Variants in NDST3 observed in about 807,000 individuals in gnomAD.
NDST3 encodes the protein N-deacetylase and N-sulfotransferase 3, also known as bifunctional heparan sulfate N-deacetylase/N-sulfotransferase 3.
Under a neutral mutation model 96.1 loss-of-function variants are expected in NDST3, and 58 were observed. The ratio of observed to expected loss-of-function variants is 0.60; its 90% CI spans 0.49 to 0.75. NDST3 has a LOEUF of 0.75. Ranked by LOEUF, NDST3 falls within the 30% of genes least tolerant of loss-of-function variation. NDST3 has a pLI of 0.00. For synonymous variants in NDST3, 333 were observed against 359.7 expected, an observed-to-expected ratio of 0.93 and a Z score of 0.84; for missense variants, 788 against 1,034.2, an observed-to-expected ratio of 0.76 and a Z score of 3.27.
intron 6 of NDST3, among the ~76,000 whole-genome samples, chr4:118,180,506 C>G (rs1408865953): frequency 1.3e-5 from 2 of 152,098 alleles, no homozygotes; most frequent in Non-Finnish European, 2.9e-5. Flanking sequence ...GTACACAGAT[C>G]AACTTAGGAG....
intron 3 of NDST3, among the ~76,000 whole-genome samples, chr4:118,110,668 G>A (rs1378266848): frequency 6.6e-6 from 1 of 152,020 alleles, no homozygotes; most frequent in African/African-American, 2.4e-5. Context: ...ATAAATTATA[G>A]TTTGCAATAA....
At chr4:118,229,489 A>T (rs1740130867) in intron 8 of NDST3, among the ~76,000 whole-genome samples, 1 of 152,168 alleles carries the variant, frequency 6.6e-6, no homozygotes, top group Admixed American at 6.5e-5. Context: ...GTTTATTCAG[A>T]CCCAAGAATA....
At chr4:118,254,078 T>TA (rs1741949368) in intron 13 of NDST3, among the ~76,000 whole-genome samples, 1 of 151,820 alleles carries the variant, frequency 6.6e-6, no homozygotes, top group Non-Finnish European at 1.5e-5. Context: ...CCATCTCTAC[T>TA]AAAAATACAA....
intron 6 of NDST3, among the ~76,000 whole-genome samples, chr4:118,187,281 C>G (rs1305031592): frequency 6.6e-6 from 1 of 152,192 alleles, no homozygotes; most frequent in Non-Finnish European, 1.5e-5. Flanking sequence ...AATTTTAAGT[C>G]TGTTGTGTAG....
At chr4:118,143,324 A>G (rs1733700847) in intron 5 of NDST3, among the ~76,000 whole-genome samples, 2 of 152,156 alleles carry the variant, frequency 1.3e-5, no homozygotes, top group South Asian at 4.1e-4. Flanking sequence ...ACAAGTAGCT[A>G]AAATAACACA....
At chr4:118,035,069 C>G (rs1482926113) in intron 1 of NDST3, among the ~76,000 whole-genome samples, 1 of 152,086 alleles carries the variant, frequency 6.6e-6, no homozygotes, top group African/African-American at 2.4e-5. Flanking sequence ...AAGAATCAAT[C>G]TAGGTATCAA....
chr4:118,091,762 G>C (rs76563825), intron 2 of NDST3, among the ~76,000 whole-genome samples: 4,753 of 151,808 alleles, frequency 0.031, 118 homozygotes, highest in Non-Finnish European at 0.05. Context: ...TACTGAACTA[G>C]AGCCCATATA....
rs187889971 is a variant in NDST3 at position 118,209,761 on chromosome 4, T to C, written c.1540-14730T>C. ...AGCAATTGATTTACCCTTCCAACTTTCCTTTAAAGCCTATCAGATCCCAAA... is the reference window on the plus strand; with the variant it reads ...AGCAATTGATTTACCCTTCCAACTTCCCTTTAAAGCCTATCAGATCCCAAA... On this transcript the variant is annotated intron_variant, in intron 6 of 13. Transcript: ENST00000296499. Among the ~76,000 whole-genome samples the C allele has an allele frequency of 3.3e-5, 5 of 152,298 alleles. No homozygotes were observed. In the East Asian group the frequency reaches 7.7e-4, roughly 23 times the overall value.
At chr4:118,105,713 T>C (rs531898082) in intron 3 of NDST3, among the ~76,000 whole-genome samples, 2 of 152,340 alleles carry the variant, frequency 1.3e-5, no homozygotes, top group South Asian at 4.1e-4. Context: ...AAGCTGTAGA[T>C]GGTTGGGTGT....
At chr4:118,138,261 T>C (rs760777363) in intron 5 of NDST3, 22 bp downstream of exon 5, 4 of 1,598,676 alleles carry the variant, frequency 2.5e-6, no homozygotes, top group South Asian at 1.1e-5. Context: ...CCAGTATGCA[T>C]AGGGTACAAC....
intron 6 of NDST3, among the ~76,000 whole-genome samples, chr4:118,190,487 G>A (rs946450096): frequency 6.6e-6 from 1 of 152,120 alleles, no homozygotes. Flanking sequence ...TATGACACAG[G>A]TACCTTCCCT....
At chr4:118,185,937 G>GACC (rs1736924162) in intron 6 of NDST3, among the ~76,000 whole-genome samples, 2 of 152,142 alleles carry the variant, frequency 1.3e-5, no homozygotes, top group African/African-American at 4.8e-5. Context: ...TTAAGAGGAT[G>GACC]ACCAAAACTT....
intron 6 of NDST3, among the ~76,000 whole-genome samples, chr4:118,192,724 T>TG: frequency 6.7e-6 from 1 of 148,932 alleles, no homozygotes; most frequent in East Asian, 1.9e-4. Flanking sequence ...TTTTTTTTTT[T>TG]GTTTTTATTG....
In NDST3 at chr4:118,242,051, T is replaced by C. The variant is rs759402434; in HGVS notation, c.2301T>C (p.Ile767=). 1.2e-6 allele frequency: 2 copies of C among 1,608,288 alleles called. No individual in the cohort carries two copies. The highest frequency in any genetic ancestry group is 1.7e-6 in the Non-Finnish European group (2 of 1,176,260). ...VYFPPFQLLI[I]DGQQLRTDPA... is the part of the protein sequence containing the mutation. The stretch of plus-strand genomic sequence containing the variant: ...ATTTGATAATTTAGTTGCTAATTAT[T>C]GATGGGCAACAACTAAGAACTGATC... Residue 767 remains isoleucine, a synonymous_variant, in exon 12 of 14, where the codon ATT becomes ATC. Coordinates refer to ENST00000296499, the MANE Select transcript of NDST3 (RefSeq NM_004784.3).
intron 12 of NDST3, among the ~76,000 whole-genome samples, chr4:118,251,239 G>T: frequency 6.7e-6 from 1 of 148,880 alleles, no homozygotes; most frequent in African/African-American, 2.5e-5. Context: ...CCATTCTCCT[G>T]CCTCAGCCTC....
chr4:118,104,541 G>C lies in NDST3; in HGVS notation c.982-477G>C, dbSNP rs567061173. On this transcript the variant is annotated intron_variant, in intron 2 of 13. Coordinates refer to ENST00000296499, the MANE Select transcript of NDST3 (RefSeq NM_004784.3). ...CTACTTTACTATGATATCTCATTTT[G>C]AACAACAATCATTATCTTTTGGGAA... Among the ~76,000 whole-genome samples the C allele has an allele frequency of 2.6e-5, 4 of 152,088 alleles. No individual in the cohort carries two copies. The South Asian group carries it at 8.3e-4, about 32-fold the overall frequency.
At position 118,252,529 on chromosome 4, in the gene NDST3, G is replaced by A. The variant is rs139656940; in HGVS notation, c.2400-970G>A. Among the ~76,000 whole-genome samples the A allele has an allele frequency of 9.3e-3, 1,420 of 152,330 alleles. 26 individuals are homozygous for A. Among genetic ancestry groups the A allele is most frequent in the Middle Eastern group, 0.082 (24 of 294 alleles). On this transcript the variant is annotated intron_variant, in intron 12 of 13. Coordinates refer to ENST00000296499, the MANE Select transcript of NDST3 (RefSeq NM_004784.3). ...AACCTCAAATGAGAAAGAGTTATAT[G>A]AAATATTTTGGTAAGATAAAATGTG...
chr4:118,170,869 A>T (rs1578762754), intron 6 of NDST3, among the ~76,000 whole-genome samples: 1 of 152,216 alleles, frequency 6.6e-6, no homozygotes, highest in South Asian at 2.1e-4. Context: ...ATGAAGAGAA[A>T]GTAAAATATA....
chr4:118,064,130 C>G (rs1213826125), intron 2 of NDST3, among the ~76,000 whole-genome samples: 2 of 152,194 alleles, frequency 1.3e-5, no homozygotes, highest in Non-Finnish European at 2.9e-5. Flanking sequence ...ACAGGCCCTT[C>G]TGGCGCTCAA....
Sources: allele counts gnomAD v4.1 joint callset (sites outside exome capture counted in the v4.1 genomes callset), GRCh38; gene constraint gnomAD v4.1.1; transcripts MANE v1.5; gene names NCBI Gene and HGNC (gene_info 2026-07-23, HGNC 2026-07-21).